The following PGM2L1 variants were observed in gnomAD, a reference collection of about 807,000 sequenced individuals.
PGM2L1 encodes the protein phosphoglucomutase 2 like 1.
PGM2L1 carries 35 observed loss-of-function variants against 73.4 expected under a neutral mutation model. That is an observed-to-expected ratio of 0.48 (90% confidence interval 0.36 to 0.63). The LOEUF (loss-of-function observed/expected upper bound fraction) is 0.63. PGM2L1 is among the 30% of genes least tolerant of loss of function. The pLI is 0.00. For synonymous variants in PGM2L1, 225 were observed against 253.8 expected (o/e 0.89, Z 1.08); for missense variants, 570 against 742.0 (o/e 0.77, Z 2.69).
chr11:74,339,229 G>A (rs919623951), intron 12 of PGM2L1, among the ~76,000 whole-genome samples: 5 of 152,122 alleles, frequency 3.3e-5, no homozygotes, highest in African/African-American at 9.7e-5. Context: ...TTTATCAATC[G>A]TCTCCAAAGA....
At chr11:74,357,149 G>A (rs897765374) in intron 5 of PGM2L1, among the ~76,000 whole-genome samples, 4 of 151,902 alleles carry the variant, frequency 2.6e-5, no homozygotes, top group African/African-American at 4.8e-5. Flanking sequence ...GTGCCCAGCC[G>A]GCAATAACTT....
intron 2 of PGM2L1, 115 bp downstream of exon 2, chr11:74,374,300 T>A: frequency 1.2e-6 from 1 of 835,656 alleles, no homozygotes; most frequent in Non-Finnish European, 1.7e-6. Flanking sequence ...GCCAGGATGA[T>A]CTCGATCTCT....
At chr11:74,339,162 G>A (rs1862145158) in intron 12 of PGM2L1, among the ~76,000 whole-genome samples, 1 of 152,162 alleles carries the variant, frequency 6.6e-6, no homozygotes, top group Admixed American at 6.5e-5. Context: ...AGAACAAGAA[G>A]CGGAAGCCAA....
intron 1 of PGM2L1, among the ~76,000 whole-genome samples, chr11:74,377,654 T>C (rs1169325095): frequency 6.6e-6 from 1 of 152,194 alleles, no homozygotes; most frequent in Non-Finnish European, 1.5e-5. Flanking sequence ...TGACTTATTT[T>C]TATTGGATAG....
chr11:74,361,288 G>C (rs192622934), intron 5 of PGM2L1, among the ~76,000 whole-genome samples: 3 of 152,150 alleles, frequency 2.0e-5, no homozygotes, highest in Non-Finnish European at 2.9e-5. Context: ...AGGCAAACAG[G>C]GTCTGGAGTG....
At chr11:74,346,270 C>CAAAAAAAAAAAAAAAAAAAAAAAAA (rs751742460) in intron 8 of PGM2L1, among the ~76,000 whole-genome samples, 6 of 57,888 alleles carry the variant, frequency 1.0e-4, no homozygotes, top group South Asian at 8.6e-4. Context: ...ACTATGTCTC[C>CAAAAAAAAAAAAAAAAAAAAAAAAA]AAAAAAAAAA....
chr11:74,355,286 G>A, intron 5 of PGM2L1: 4 of 923,902 alleles, frequency 4.3e-6, no homozygotes, highest in Admixed American at 1.7e-5. Context: ...AGGCGTGGTG[G>A]CTCACACCTG....
At chr11:74,375,296 T>G (rs1462090936) in intron 1 of PGM2L1, among the ~76,000 whole-genome samples, 2 of 152,206 alleles carry the variant, frequency 1.3e-5, no homozygotes, top group Non-Finnish European at 2.9e-5. Context: ...GATTCTGTAT[T>G]TCATTGTCGT....
chr11:74,343,576 G>A (rs1340320687), intron 9 of PGM2L1, among the ~76,000 whole-genome samples, 160 bp from the exon 10 acceptor site: 1 of 151,986 alleles, frequency 6.6e-6, no homozygotes, highest in Non-Finnish European at 1.5e-5. Context: ...GTAATGAAGG[G>A]CCATAAATAC....
Position 74,351,449 on chromosome 11 carries a change from T to G in PGM2L1, c.683A>C (p.Lys228Thr), listed in dbSNP as rs774531683. ...GCAAATGTCCTGCAGAGGGTCTCTC[T>G]TCAGCGGGCTGGTATCCACTAAATT... is the stretch of plus-strand genomic sequence containing the variant. ...NDNLVDTSPL[K>T]RDPLQDICRR... The change falls in exon 6 of 14, where the codon AAG becomes ACG. Residue 228 changes from lysine (K) to threonine (T), a missense_variant. Coordinates refer to ENST00000298198, the MANE Select transcript of PGM2L1 (RefSeq NM_173582.6). 6.2e-7 allele frequency: 1 copy of G among 1,614,160 alleles called. No homozygotes were observed. The highest frequency in any genetic ancestry group is 2.2e-5 in the East Asian group (1 of 44,868).
At chr11:74,352,495 T>C (rs1862373573) in intron 5 of PGM2L1, among the ~76,000 whole-genome samples, 1 of 152,210 alleles carries the variant, frequency 6.6e-6, no homozygotes, top group African/African-American at 2.4e-5. Flanking sequence ...GAAAATGTAA[T>C]TCTATTAATT....
At chr11:74,378,835 C>G (rs1276957084) in intron 1 of PGM2L1, among the ~76,000 whole-genome samples, 1 of 152,096 alleles carries the variant, frequency 6.6e-6, no homozygotes, top group African/African-American at 2.4e-5. Context: ...AGGTTACACA[C>G]CAGACCAAAA....
intron 6 of PGM2L1, among the ~76,000 whole-genome samples, chr11:74,350,819 G>A (rs892919019): frequency 1.3e-5 from 2 of 152,104 alleles, no homozygotes; most frequent in African/African-American, 4.8e-5. Context: ...GGAGGTTGCA[G>A]TAAGCCCAGA....
chr11:74,386,561 A>C (rs1266019979), intron 1 of PGM2L1, among the ~76,000 whole-genome samples: 2 of 151,558 alleles, frequency 1.3e-5, no homozygotes, highest in Admixed American at 6.6e-5. Context: ...CTGCAGCCTC[A>C]ACCTCCCAGG....
chr11:74,363,144 T>G (rs990163700), intron 5 of PGM2L1, among the ~76,000 whole-genome samples: 10 of 152,282 alleles, frequency 6.6e-5, no homozygotes, highest in Admixed American at 4.6e-4. Flanking sequence ...GACTACTGGG[T>G]ACATAATGAA....
chr11:74,344,072 G>GC (rs1338405107), intron 9 of PGM2L1, among the ~76,000 whole-genome samples: 5 of 151,766 alleles, frequency 3.3e-5, no homozygotes, highest in Non-Finnish European at 7.4e-5. Context: ...ACCACGTCTG[G>GC]CCCCATTATC....
In PGM2L1 at chr11:74,345,455, T is replaced by C. The variant is rs750031182; in HGVS notation, c.1218+14A>G. On this transcript the variant is annotated intron_variant, in intron 9 of 13. Coordinates refer to ENST00000298198, the MANE Select transcript of PGM2L1 (RefSeq NM_173582.6). Reference sequence around the variant, plus strand: ...GGTTTTAAAAAGTAGCACACAGATATTATTGATTCTTACTTCAAAATGAAA... The same window carrying C: ...GGTTTTAAAAAGTAGCACACAGATACTATTGATTCTTACTTCAAAATGAAA... 4.4e-6 allele frequency: 7 copies of C among 1,589,052 alleles called. No individual in the cohort carries two copies. In the South Asian group the frequency reaches 6.6e-5, roughly 15 times the overall value.
intron 5 of PGM2L1, among the ~76,000 whole-genome samples, chr11:74,352,606 G>A (rs989604400): frequency 6.6e-6 from 1 of 152,254 alleles, no homozygotes; most frequent in South Asian, 2.1e-4. Context: ...AAGGAAAGAA[G>A]AATACATTTG....
At chr11:74,390,174 A>G (rs1348247133) in intron 1 of PGM2L1, among the ~76,000 whole-genome samples, 3 of 150,780 alleles carry the variant, frequency 2.0e-5, no homozygotes, top group African/African-American at 7.3e-5. Flanking sequence ...ATGAAAGAAA[A>G]AAAAAAAAAC....
Sources: gnomAD v4.1 joint callset for allele counts (sites outside exome capture counted in the v4.1 genomes callset) on GRCh38, gnomAD v4.1.1 for gene constraint, MANE v1.5 for transcripts, NCBI Gene and HGNC (gene_info 2026-07-23, HGNC 2026-07-21) for gene names.